Variants in HHAT observed in about 807,000 individuals in gnomAD.
HHAT encodes the protein protein-cysteine N-palmitoyltransferase HHAT.
A neutral mutation model predicts 70.8 loss-of-function variants in HHAT; 47 were observed. The observed-to-expected ratio is 0.66, with a 90% CI of 0.53 to 0.85. The LOEUF (loss-of-function observed/expected upper bound fraction) is 0.85, where lower values mean the gene tolerates loss of function less well. HHAT is among the 40% of genes least tolerant of loss of function. The probability of loss-of-function intolerance (pLI) is 0.00; values close to 1 mark genes in which losing one functional copy is unlikely to be tolerated. For missense variants in HHAT, 609 were observed against 604.8 expected, an observed-to-expected ratio of 1.01 and a Z score of -0.07; for synonymous variants, 228 against 247.6, an observed-to-expected ratio of 0.92 and a Z score of 0.74.
At chr1:210,392,474 C>T (rs910217440) in intron 4 of HHAT, among the ~76,000 whole-genome samples, 1 of 152,144 alleles carries the variant, frequency 6.6e-6, no homozygotes, top group Non-Finnish European at 1.5e-5. Flanking sequence ...TTTAATACTA[C>T]AGATATCCTG....
intron 7 of HHAT, among the ~76,000 whole-genome samples, chr1:210,449,424 G>A (rs919814399): frequency 6.6e-6 from 1 of 151,912 alleles, no homozygotes; most frequent in African/African-American, 2.4e-5. Context: ...CTTTCCCGTC[G>A]CTGAAGTTGC....
intron 3 of HHAT, among the ~76,000 whole-genome samples, chr1:210,380,691 G>A (rs574388454): frequency 6.6e-6 from 1 of 152,108 alleles, no homozygotes; most frequent in Admixed American, 6.5e-5. Context: ...CCTGGGAGAA[G>A]GCTTGCCTGA....
At position 210,675,649 on chromosome 1, in the gene HHAT, A is replaced by T. The variant is rs902579493; in HGVS notation, c.*1270A>T. 6.6e-6 allele frequency: 1 copy of T among 152,134 alleles called. No individual in the cohort carries two copies. Among genetic ancestry groups the T allele is most frequent in the Non-Finnish European group, 1.5e-5 (1 of 68,030 alleles). The allele number at this position is 152,134 out of a possible 1,614,324, so 9.4% of individuals were successfully genotyped here. ...TACATAGCATGGCCCTTATGTCTTG[A>T]GTTGAGGTTATCATCTCAATGAGGC... On this transcript the variant is annotated 3_prime_UTR_variant, in exon 12 of 12. Coordinates refer to ENST00000261458, the MANE Select transcript of HHAT (RefSeq NM_018194.6).
chr1:210,658,066 T>C (rs975477045), intron 11 of HHAT, among the ~76,000 whole-genome samples: 2 of 152,216 alleles, frequency 1.3e-5, no homozygotes, highest in African/African-American at 4.8e-5. Flanking sequence ...TGTTTATTCA[T>C]TGACCATTTT....
chr1:210,353,044 T>C (rs1342810228), intron 2 of HHAT, among the ~76,000 whole-genome samples: 1 of 152,032 alleles, frequency 6.6e-6, no homozygotes. Context: ...CAAGCAATTC[T>C]TCTGTCTTAG....
intron 7 of HHAT, among the ~76,000 whole-genome samples, chr1:210,461,973 C>T (rs992760618): frequency 2.0e-5 from 3 of 152,094 alleles, no homozygotes; most frequent in African/African-American, 7.2e-5. Context: ...GTTTATTAAT[C>T]GTCTATGCAA....
At chr1:210,622,011 CAGG>C (rs1174768777) in intron 10 of HHAT, among the ~76,000 whole-genome samples, 3 of 152,252 alleles carry the variant, frequency 2.0e-5, no homozygotes, top group African/African-American at 4.8e-5. Flanking sequence ...CAGGAGAGAA[CAGG>C]AGGAGTCAGA....
intron 11 of HHAT, among the ~76,000 whole-genome samples, chr1:210,658,520 C>T (rs1240396418): frequency 6.6e-6 from 1 of 152,160 alleles, no homozygotes; most frequent in Non-Finnish European, 1.5e-5. Context: ...TCCTGGATAT[C>T]CTTGTTAACC....
intron 10 of HHAT, among the ~76,000 whole-genome samples, chr1:210,595,850 T>C (rs192012055): frequency 6.6e-6 from 1 of 152,348 alleles, no homozygotes; most frequent in Non-Finnish European, 1.5e-5. Context: ...TTGAGTTCTT[T>C]GTAGATTCTG....
intron 9 of HHAT, among the ~76,000 whole-genome samples, chr1:210,555,114 A>G (rs561583738): frequency 5.0e-4 from 76 of 152,294 alleles, no homozygotes; most frequent in Admixed American, 1.2e-3. Context: ...GGAACCAATA[A>G]AAGTTTTCCA....
intron 11 of HHAT, among the ~76,000 whole-genome samples, chr1:210,650,506 A>G (rs1190122357): frequency 1.3e-5 from 2 of 152,236 alleles, no homozygotes; most frequent in Admixed American, 6.5e-5. Flanking sequence ...GGGTTGAACT[A>G]TAGGTGCATT....
upstream of HHAT, among the ~76,000 whole-genome samples, chr1:210,327,397 A>C (rs1158210792): frequency 6.6e-6 from 1 of 151,064 alleles, no homozygotes; most frequent in Admixed American, 6.6e-5. Context: ...TCGACCTCCC[A>C]AAGTGCTGGG....
At chr1:210,541,317 TC>T (rs2095428823) in intron 9 of HHAT, among the ~76,000 whole-genome samples, 2 of 152,148 alleles carry the variant, frequency 1.3e-5, no homozygotes, top group Admixed American at 1.3e-4. Context: ...CCCCAAATCT[TC>T]CTGTGAATCC....
At chr1:210,549,362 A>AG (rs2095509999) in intron 9 of HHAT, among the ~76,000 whole-genome samples, 1 of 149,110 alleles carries the variant, frequency 6.7e-6, no homozygotes, top group Non-Finnish European at 1.5e-5. Flanking sequence ...TTACCTGTGA[A>AG]GGATGGATTG....
chr1:210,581,497 G>A (rs1659256806), intron 9 of HHAT, among the ~76,000 whole-genome samples: 1 of 152,166 alleles, frequency 6.6e-6, no homozygotes, highest in African/African-American at 2.4e-5. Context: ...TGGAGCCAAG[G>A]TGAGGTCACC....
chr1:210,662,783 T>C (rs2148964204), intron 11 of HHAT, among the ~76,000 whole-genome samples: 1 of 152,224 alleles, frequency 6.6e-6, no homozygotes, highest in African/African-American at 2.4e-5. Context: ...TGGAAGTGAG[T>C]GCTTTAGTAA....
intron 3 of HHAT, among the ~76,000 whole-genome samples, chr1:210,383,367 A>G (rs531110249): frequency 6.6e-6 from 1 of 152,326 alleles, no homozygotes; most frequent in South Asian, 2.1e-4. Context: ...CTGACGAAAT[A>G]AAAAGAAAAA....
chr1:210,538,580 C>G (rs1364169214), intron 9 of HHAT, among the ~76,000 whole-genome samples: 1 of 152,136 alleles, frequency 6.6e-6, no homozygotes, highest in Non-Finnish European at 1.5e-5. Flanking sequence ...TCAAAAGTGA[C>G]ACTTGAAAAT....
At position 210,387,477 on chromosome 1, in the gene HHAT, G is replaced by A. The variant is rs1172717093; in HGVS notation, c.169G>A (p.Asp57Asn). The change falls in exon 4 of 12, where the codon GAC becomes AAC. Residue 57 changes from aspartate to asparagine, a missense_variant. Coordinates refer to ENST00000261458, the MANE Select transcript of HHAT (RefSeq NM_018194.6). ...LFGGLKKDATDFEWSFWMEWG... is the reference protein window; with the variant it reads ...LFGGLKKDATNFEWSFWMEWG... ...ATTTTGTCCTATTTAGGATGCGACC[G>A]ACTTTGAGTGGAGCTTCTGGATGGA... 8.1e-6 allele frequency: 13 copies of A among 1,613,828 alleles called. No individual in the cohort carries two copies. The highest frequency in any genetic ancestry group is 1.7e-5 in the Admixed American group (1 of 59,990).
Sources: gnomAD v4.1 joint callset for allele counts (sites outside exome capture counted in the v4.1 genomes callset) on GRCh38, gnomAD v4.1.1 for gene constraint, MANE v1.5 for transcripts, NCBI Gene and HGNC (gene_info 2026-07-23, HGNC 2026-07-21) for gene names.